Variants in DYM observed in about 807,000 individuals in gnomAD.
The protein encoded by DYM is dyggve-Melchior-Clausen syndrome protein.
A neutral mutation model predicts 93.1 loss-of-function variants in DYM; 78 were observed. The observed-to-expected ratio is 0.84, with a 90% CI of 0.70 to 1.01. The LOEUF is 1.01. Among genes scored for constraint, DYM ranks in the 50% least tolerant of loss-of-function variants. The probability of loss-of-function intolerance (pLI) is 0.00; values close to 1 mark genes in which losing one functional copy is unlikely to be tolerated. For missense variants in DYM, 789 were observed against 845.0 expected (o/e 0.93, Z 0.82); for synonymous variants, 321 against 319.7 (o/e 1.00, Z -0.04).
chr18:49,151,073 G>T (rs892118268), intron 15 of DYM, among the ~76,000 whole-genome samples: 1 of 152,066 alleles, frequency 6.6e-6, no homozygotes, highest in African/African-American at 2.4e-5. Flanking sequence ...ACTTCCCAAA[G>T]TATACCACTG....
At position 49,080,705 on chromosome 18, in the gene DYM, C is replaced by T. The variant is rs1365978315; in HGVS notation, c.2025+16697G>A. ...GCAGAGACGCTCCTCACTTCCCAGA[C>T]GGGGTGGCTGCCGGGCAGAGGGGCT... On this transcript the variant is annotated intron_variant, in intron 17 of 17. Transcript: ENST00000675505. 7.5e-4 allele frequency among the ~76,000 whole-genome samples: 108 copies of T among 143,074 alleles called. 1 individual carries two copies. Among genetic ancestry groups the T allele is most frequent in the Non-Finnish European group, 1.3e-3 (83 of 65,096 alleles). The allele number at this position is 143,074 out of a possible 152,430, so 93.9% of individuals were successfully genotyped here.
At chr18:49,174,642 G>T (rs2089176693) in intron 14 of DYM, among the ~76,000 whole-genome samples, 1 of 152,130 alleles carries the variant, frequency 6.6e-6, no homozygotes, top group African/African-American at 2.4e-5. Flanking sequence ...ATTGGTCAAT[G>T]AATATAAGCT....
chr18:49,168,392 A>G (rs1175112373), intron 14 of DYM, among the ~76,000 whole-genome samples: 1 of 152,224 alleles, frequency 6.6e-6, no homozygotes, highest in Non-Finnish European at 1.5e-5. Context: ...TGAAGAAAAC[A>G]GAGCCCCTGC....
intron 14 of DYM, among the ~76,000 whole-genome samples, chr18:49,188,894 C>T (rs1281745080): frequency 6.6e-6 from 1 of 152,118 alleles, no homozygotes; most frequent in Non-Finnish European, 1.5e-5. Context: ...TTTATCACAG[C>T]ACTATTTATA....
At chr18:49,135,268 G>T (rs1262747599) in intron 15 of DYM, among the ~76,000 whole-genome samples, 2 of 152,118 alleles carry the variant, frequency 1.3e-5, no homozygotes, top group African/African-American at 4.8e-5. Context: ...TACTGTCATA[G>T]ATTCAAATCA....
intron 2 of DYM, among the ~76,000 whole-genome samples, chr18:49,423,628 A>G (rs2073962031): frequency 6.6e-6 from 1 of 152,212 alleles, no homozygotes; most frequent in Non-Finnish European, 1.5e-5. Context: ...TGAAAAGATC[A>G]ACAAAATTGA....
intron 13 of DYM, among the ~76,000 whole-genome samples, chr18:49,239,029 T>C (rs1037895468): frequency 6.6e-6 from 1 of 152,172 alleles, no homozygotes; most frequent in Non-Finnish European, 1.5e-5. Flanking sequence ...TTTCTCAGAC[T>C]AAAGACAAGA....
At chr18:49,068,725 C>A (rs1424260307) in intron 17 of DYM, among the ~76,000 whole-genome samples, 1 of 152,100 alleles carries the variant, frequency 6.6e-6, no homozygotes, top group Non-Finnish European at 1.5e-5. Context: ...TTTTTCTATG[C>A]CCTCTCTCAG....
intron 15 of DYM, among the ~76,000 whole-genome samples, chr18:49,156,732 C>CAAAA (rs1224742522): frequency 1.6e-5 from 1 of 63,198 alleles, no homozygotes; most frequent in Admixed American, 1.7e-4. Context: ...AACGCTGTCT[C>CAAAA]AAAAAAAAAA....
intron 14 of DYM, among the ~76,000 whole-genome samples, chr18:49,196,438 TACACACAC>T (rs35296321): frequency 4.7e-4 from 71 of 150,250 alleles, no homozygotes; most frequent in African/African-American, 1.4e-3. Flanking sequence ...GATCAGTGGT[TACACACAC>T]ACACACACAC....
chr18:49,430,144 A>T, intron 2 of DYM, 111 bp downstream of exon 2: 2 of 1,022,376 alleles, frequency 2.0e-6, no homozygotes, highest in African/African-American at 3.1e-5. Context: ...TATGTATGAC[A>T]GATAGACTAG....
chr18:49,387,686 A>C (rs895495980), intron 3 of DYM, among the ~76,000 whole-genome samples: 2 of 152,184 alleles, frequency 1.3e-5, no homozygotes, highest in Admixed American at 1.3e-4. Context: ...AGATACATAC[A>C]TTTAACACGT....
intron 16 of DYM, among the ~76,000 whole-genome samples, chr18:49,099,803 T>C (rs1431493982): frequency 1.3e-5 from 2 of 152,196 alleles, no homozygotes; most frequent in Non-Finnish European, 2.9e-5. Flanking sequence ...TCCTGATAAC[T>C]TTTATGGATC....
chr18:49,039,331 A>G lies in DYM; in HGVS notation c.*4724T>C, dbSNP rs1260302525. 1.3e-5 allele frequency among the ~76,000 whole-genome samples: 2 copies of G among 151,600 alleles called. No individual in the cohort carries two copies. The highest frequency in any genetic ancestry group is 6.6e-5 in the Admixed American group (1 of 15,244). The stretch of plus-strand genomic sequence containing the variant: ...CCTCTCCCACCCCAGCAGGTCTAAA[A>G]TATTATTTTTCTTTGGTCTTCAACA... On this transcript the variant is annotated 3_prime_UTR_variant, in exon 18 of 18. Transcript: ENST00000675505.
intron 1 of DYM, among the ~76,000 whole-genome samples, chr18:49,453,358 G>A (rs148189191): frequency 1.4e-3 from 214 of 152,214 alleles, no homozygotes; most frequent in African/African-American, 4.8e-3. Flanking sequence ...TCCACACTGC[G>A]GGAGCTTTGT....
chr18:49,268,781 TTTTTAAAAATCATA>T (rs1360871603), intron 11 of DYM, among the ~76,000 whole-genome samples: 1 of 152,072 alleles, frequency 6.6e-6, no homozygotes, highest in East Asian at 1.9e-4. Flanking sequence ...TTTTAAGATG[TTTTTAAAAATCATA>T]TTTGTTTTTA....
At chr18:49,458,592 T>G (rs2083198021) in intron 1 of DYM, among the ~76,000 whole-genome samples, 1 of 152,118 alleles carries the variant, frequency 6.6e-6, no homozygotes, top group Non-Finnish European at 1.5e-5. Context: ...ATCCCAGCAC[T>G]TTCAGAGGCT....
Position 49,258,494 on chromosome 18 carries a change from C to G in DYM, c.1252-1G>C. 6.5e-7 allele frequency: 1 copy of G among 1,545,130 alleles called. No individual in the cohort carries two copies. Among genetic ancestry groups the G allele is most frequent in the Non-Finnish European group, 8.9e-7 (1 of 1,117,628 alleles). ...AATACCAAGTAATATTTTTTAGTAT[C>G]TGTAATGGGGAAGAAAAGTTTAAGT... On this transcript the variant is annotated splice_acceptor_variant, in intron 11 of 17. Transcript: ENST00000675505. LOFTEE classifies it high-confidence loss of function.
chr18:49,265,886 A>C (rs367745469), intron 11 of DYM, among the ~76,000 whole-genome samples: 1 of 152,172 alleles, frequency 6.6e-6, no homozygotes, highest in South Asian at 2.1e-4. Context: ...ACAGAAACTA[A>C]ACTATGGTAA....
Sources: gnomAD v4.1 joint callset for allele counts (sites outside exome capture counted in the v4.1 genomes callset) on GRCh38, gnomAD v4.1.1 for gene constraint, MANE v1.5 for transcripts, NCBI Gene and HGNC (gene_info 2026-07-23, HGNC 2026-07-21) for gene names.